CEPT1: variants seen among roughly 807,000 people sequenced by gnomAD.
CEPT1 encodes choline/ethanolaminephosphotransferase 1.
A neutral mutation model predicts 42.6 loss-of-function variants in CEPT1; 7 were observed. The observed-to-expected ratio is 0.16, with a 90% CI of 0.09 to 0.31. CEPT1 has a LOEUF of 0.31. Ranked by LOEUF, CEPT1 falls within the 10% of genes least tolerant of loss-of-function variation. CEPT1 has a pLI of 1.00. For missense variants in CEPT1, 306 were observed against 502.1 expected (o/e 0.61, Z 3.73); for synonymous variants, 171 against 171.9 (o/e 0.99, Z 0.04).
rs865907589 is a variant in CEPT1 at position 111,182,376 on chromosome 1, A to G, written c.846+58A>G. 1.9e-5 allele frequency: 29 copies of G among 1,528,082 alleles called. No homozygotes were observed. In the Middle Eastern group the frequency reaches 3.5e-3, roughly 185 times the overall value. 94.7% of individuals were successfully genotyped at this position (1,528,082 alleles called of 1,614,324 possible). A position where few individuals can be genotyped will look rare whatever the true frequency, so the allele number is the denominator to read the frequency against. ...TACACTAGGACTTGGTTTTGTTGTC[A>G]TTTTGTTTTTTATTTCAAATGTATA... is the stretch of plus-strand genomic sequence containing the variant. On this transcript the variant is annotated intron_variant, in intron 6 of 8. Transcript: ENST00000357172.
chr1:111,183,834 T>C (rs777467063), intron 8 of CEPT1, among the ~76,000 whole-genome samples: 1 of 152,066 alleles, frequency 6.6e-6, no homozygotes, highest in Admixed American at 6.6e-5. Context: ...TCTGACTGAG[T>C]AGAAAAGCAT....
intron 3 of CEPT1, 102 bp downstream of exon 3, chr1:111,159,629 G>T (rs1655769033): frequency 2.3e-6 from 2 of 868,478 alleles, no homozygotes; most frequent in Non-Finnish European, 3.3e-6. Context: ...AAGTAATTTT[G>T]TATTAAATTT....
chr1:111,177,993 G>A (rs753166315), intron 5 of CEPT1, among the ~76,000 whole-genome samples: 8 of 152,074 alleles, frequency 5.3e-5, no homozygotes, highest in Non-Finnish European at 2.9e-5. Context: ...CTCCCAATAC[G>A]GATTCCCATA....
At chr1:111,139,957 A>AT, upstream of CEPT1, 1 of 152,524 alleles carries the variant, frequency 6.6e-6, no homozygotes, top group African/African-American at 2.4e-5. Context: ...GAGCTGCCAG[A>AT]TCCCACCCTC....
intron 2 of CEPT1, among the ~76,000 whole-genome samples, chr1:111,158,353 CAAAT>C (rs56763172): frequency 0.2 from 30,190 of 151,666 alleles, 3,133 homozygotes; most frequent in Middle Eastern, 0.27. Context: ...GACTCCATCT[CAAAT>C]AAATAAATAA....
chr1:111,171,588 A>G (rs888357315), intron 4 of CEPT1, among the ~76,000 whole-genome samples: 1 of 152,196 alleles, frequency 6.6e-6, no homozygotes, highest in African/African-American at 2.4e-5. Flanking sequence ...TTTTTGTGAC[A>G]GCCATCAAAA....
chr1:111,158,936 C>G (rs1353198629), intron 2 of CEPT1, among the ~76,000 whole-genome samples: 1 of 73,382 alleles, frequency 1.4e-5, no homozygotes, highest in East Asian at 4.0e-4. Context: ...TTTTTTGAGA[C>G]GGAGTCTCGC....
At chr1:111,163,742 C>A (rs1420070997) in intron 4 of CEPT1, among the ~76,000 whole-genome samples, 1 of 151,986 alleles carries the variant, frequency 6.6e-6, no homozygotes, top group Non-Finnish European at 1.5e-5. Context: ...ATATAGATAT[C>A]CCTAAAGACT....
At chr1:111,163,281 A>G (rs1338295033) in intron 4 of CEPT1, among the ~76,000 whole-genome samples, 1 of 152,216 alleles carries the variant, frequency 6.6e-6, no homozygotes, top group Admixed American at 6.5e-5. Flanking sequence ...CTACATTTGC[A>G]TTAAAGCAGC....
chr1:111,150,151 T>C (rs1355267426), intron 2 of CEPT1, among the ~76,000 whole-genome samples: 1 of 152,230 alleles, frequency 6.6e-6, no homozygotes, highest in Non-Finnish European at 1.5e-5. Context: ...ACGAGGTAGC[T>C]ATCCTTATTA....
At position 111,147,747 on chromosome 1, in the gene CEPT1, T is replaced by C. The variant is rs757861541; in HGVS notation, c.33T>C (p.Cys11=). 2 of 1,612,426 alleles carry C rather than the reference T, an allele frequency of 1.2e-6. No homozygotes were observed. Among genetic ancestry groups the C allele is most frequent in the South Asian group, 2.2e-5 (2 of 91,008 alleles). The part of the protein sequence containing the change: MSGHRSTRKR[C]GDSHPESPVG... ...GGCATCGATCAACAAGGAAAAGATG[T>C]GGAGATTCTCACCCGGAGTCCCCAG... The change falls in exon 2 of 9, where the codon TGT becomes TGC. Residue 11 remains cysteine (C), a synonymous_variant. Transcript: ENST00000357172.
intron 1 of CEPT1, among the ~76,000 whole-genome samples, chr1:111,143,915 A>G (rs1158081109): frequency 6.6e-6 from 1 of 152,018 alleles, no homozygotes; most frequent in Non-Finnish European, 1.5e-5. Flanking sequence ...TTTTTTGTAT[A>G]GATGTGGTTT....
chr1:111,152,436 C>G (rs901347153), intron 2 of CEPT1, among the ~76,000 whole-genome samples: 5 of 152,174 alleles, frequency 3.3e-5, no homozygotes, highest in Admixed American at 3.3e-4. Flanking sequence ...ACCCTAACCT[C>G]TCTCCTCAAA....
At chr1:111,148,176 C>T (rs1655076135) in intron 2 of CEPT1, 123 bp downstream of exon 2, 2 of 732,810 alleles carry the variant, frequency 2.7e-6, no homozygotes, top group African/African-American at 1.8e-5. Flanking sequence ...TAAAATATCA[C>T]ACACACTGTG....
intron 2 of CEPT1, among the ~76,000 whole-genome samples, chr1:111,157,741 T>C (rs983035082): frequency 6.6e-6 from 1 of 152,352 alleles, no homozygotes; most frequent in Admixed American, 6.5e-5. Context: ...ATAATCTCAG[T>C]GTCTTAAAAG....
intron 4 of CEPT1, among the ~76,000 whole-genome samples, chr1:111,166,576 C>A (rs1049236189): frequency 6.6e-6 from 1 of 152,164 alleles, no homozygotes; most frequent in Non-Finnish European, 1.5e-5. Flanking sequence ...TGATTAGATT[C>A]TTTCCCACTT....
At chr1:111,171,341 G>A (rs935305278) in intron 4 of CEPT1, among the ~76,000 whole-genome samples, 5 of 152,148 alleles carry the variant, frequency 3.3e-5, no homozygotes, top group African/African-American at 1.2e-4. Context: ...TTTTTGTAGT[G>A]ACGAAGACCT....
intron 4 of CEPT1, among the ~76,000 whole-genome samples, chr1:111,166,507 G>T (rs1426842607): frequency 6.6e-6 from 1 of 152,148 alleles, no homozygotes; most frequent in Non-Finnish European, 1.5e-5. Flanking sequence ...TCAGGAAATA[G>T]GATAAGGAGA....
chr1:111,141,689 T>G (rs1241491529), intron 1 of CEPT1, among the ~76,000 whole-genome samples: 2 of 152,232 alleles, frequency 1.3e-5, no homozygotes, highest in Non-Finnish European at 2.9e-5. Context: ...ATCTAAGTTG[T>G]GTTACACAGC....
Sources: allele counts gnomAD v4.1 joint callset (sites outside exome capture counted in the v4.1 genomes callset), GRCh38; gene constraint gnomAD v4.1.1; transcripts MANE v1.5; gene names NCBI Gene and HGNC (gene_info 2026-07-23, HGNC 2026-07-21).